The following SAV1 variants were observed in gnomAD, a reference collection of about 807,000 sequenced individuals.
The protein encoded by SAV1 is salvador family WW domain containing protein 1.
A neutral mutation model predicts 47.3 loss-of-function variants in SAV1; 23 were observed. The observed-to-expected ratio is 0.49, with a 90% CI of 0.35 to 0.69. SAV1 has a LOEUF of 0.69. SAV1 is among the 30% of genes least tolerant of loss of function. The pLI is 0.01. For missense variants in SAV1, 448 were observed against 457.4 expected (o/e 0.98, Z 0.19); for synonymous variants, 155 against 159.2 (o/e 0.97, Z 0.20).
At chr14:50,661,172 C>T (rs935016094) in intron 2 of SAV1, among the ~76,000 whole-genome samples, 1 of 152,166 alleles carries the variant, frequency 6.6e-6, no homozygotes, top group Non-Finnish European at 1.5e-5. Flanking sequence ...GGGTAAGACA[C>T]CTCACTGTGG....
intron 2 of SAV1, among the ~76,000 whole-genome samples, chr14:50,646,106 T>C (rs3015498): frequency 0.47 from 71,867 of 151,940 alleles, 18,131 homozygotes; most frequent in East Asian, 0.73. Context: ...TTCCAAGACC[T>C]CCCGTAGATG....
chr14:50,650,194 T>A (rs1315732860), intron 2 of SAV1, among the ~76,000 whole-genome samples: 4 of 152,212 alleles, frequency 2.6e-5, no homozygotes, highest in Non-Finnish European at 5.9e-5. Context: ...AAATACAACA[T>A]ACAATGCATA....
rs989813949 is a variant in SAV1 at position 50,667,206 on chromosome 14, TA to T, written c.94+667del. ...GGATTGGGAGTGGGATCTACCCTAT[TA>T]AAAAAAAAAACTTTTCGAGGGGGGG... On this transcript the variant is annotated intron_variant, in intron 1 of 4. Transcript: ENST00000324679. 7.0e-3 allele frequency among the ~76,000 whole-genome samples: 965 copies of T among 137,100 alleles called. 17 individuals are homozygous for T. Among genetic ancestry groups the T allele is most frequent in the African/African-American group, 0.025 (909 of 36,250 alleles). 89.9% of individuals were successfully genotyped at this position (137,100 alleles called of 152,430 possible).
chr14:50,644,903 T>C lies in SAV1; in HGVS notation c.647A>G (p.Tyr216Cys). ...TGTATTTGTGTTATGATCTATATAA[T>C]ATTTTCTCCCTCTCATTGTCCAGTC... ...SVDWTMRGRK[Y>C]YIDHNTNTTH... The change falls in exon 3 of 5, where the codon TAT becomes TGT. Residue 216 changes from tyrosine to cysteine, a missense_variant. By Grantham distance (194) the Tyr-to-Cys change is radical. Coordinates refer to ENST00000324679, the MANE Select transcript of SAV1 (RefSeq NM_021818.4). 2.5e-6 allele frequency: 4 copies of C among 1,614,094 alleles called. No homozygotes were observed. The highest frequency in any genetic ancestry group is 3.4e-6 in the Non-Finnish European group (4 of 1,180,000).
chr14:50,656,041 G>A (rs927651547), intron 2 of SAV1, among the ~76,000 whole-genome samples: 11 of 152,108 alleles, frequency 7.2e-5, no homozygotes, highest in Non-Finnish European at 1.5e-5. Context: ...GTGAAACTCC[G>A]TCTCAAAAAC....
At position 50,668,021 on chromosome 14, in the gene SAV1, C is replaced by A. The variant is rs527540043; in HGVS notation, c.-54G>T. The A allele has an allele frequency of 7.9e-5, 109 of 1,372,050 alleles. No individual in the cohort carries two copies. The South Asian group carries it at 1.7e-3, about 21-fold the overall frequency. The allele number at this position is 1,372,050 out of a possible 1,614,324, so 85.0% of individuals were successfully genotyped here. A position where few individuals can be genotyped will look rare whatever the true frequency, so the allele number is the denominator to read the frequency against. ...GAACTGCCTCCCTAGGGCTCCGCGC[C>A]GGGCGCCGGCCGTCTCCGCCGCCAC... On this transcript the variant is annotated 5_prime_UTR_variant, in exon 1 of 5. Coordinates refer to ENST00000324679, the MANE Select transcript of SAV1 (RefSeq NM_021818.4).
chr14:50,652,540 A>G (rs1014169269), intron 2 of SAV1, among the ~76,000 whole-genome samples: 1 of 152,236 alleles, frequency 6.6e-6, no homozygotes, highest in Non-Finnish European at 1.5e-5. Flanking sequence ...GCAAAGAGAA[A>G]TAAAAAGGAA....
intron 2 of SAV1, among the ~76,000 whole-genome samples, chr14:50,647,587 G>C (rs2039733186): frequency 6.7e-6 from 1 of 148,882 alleles, no homozygotes; most frequent in South Asian, 2.4e-4. Context: ...AACAGAAGAA[G>C]AAAACAAAAC....
chr14:50,641,626 T>C (rs2039681585), intron 3 of SAV1, among the ~76,000 whole-genome samples: 1 of 152,226 alleles, frequency 6.6e-6, no homozygotes, highest in Non-Finnish European at 1.5e-5. Context: ...TCACTGCTTA[T>C]TAGAGAAATG....
intron 2 of SAV1, chr14:50,662,446 C>A (rs184897280): frequency 2.0e-5 from 3 of 152,196 alleles, no homozygotes; most frequent in African/African-American, 7.2e-5. Flanking sequence ...GGATTACAGG[C>A]GTGAGCCACC....
chr14:50,635,934 C>A (rs1364819841), intron 4 of SAV1, among the ~76,000 whole-genome samples: 5 of 152,264 alleles, frequency 3.3e-5, no homozygotes, highest in Admixed American at 3.3e-4. Flanking sequence ...TTCTCAATCT[C>A]CTGACCTCGT....
chr14:50,639,489 G>GT (rs535222660), intron 4 of SAV1, among the ~76,000 whole-genome samples: 63 of 152,262 alleles, frequency 4.1e-4, no homozygotes, highest in Admixed American at 1.7e-3. Context: ...CAGACCTCTT[G>GT]TTTAAGTTTT....
At chr14:50,654,995 CAT>C (rs1251855578) in intron 2 of SAV1, among the ~76,000 whole-genome samples, 6 of 70,380 alleles carry the variant, frequency 8.5e-5, no homozygotes, top group African/African-American at 3.3e-4. Flanking sequence ...AGAAAGCTAA[CAT>C]ATAATTTTTT....
At chr14:50,636,133 A>T (rs2039632896) in intron 4 of SAV1, among the ~76,000 whole-genome samples, 1 of 152,228 alleles carries the variant, frequency 6.6e-6, no homozygotes, top group South Asian at 2.1e-4. Context: ...CCTTGAACAC[A>T]GATTTCAAAC....
intron 1 of SAV1, chr14:50,667,402 C>T: frequency 8.8e-6 from 4 of 456,022 alleles, no homozygotes; most frequent in South Asian, 1.5e-5. Flanking sequence ...CTGCATCCGG[C>T]AGCAGGACTA....
At chr14:50,660,456 A>C (rs2039849174) in intron 2 of SAV1, among the ~76,000 whole-genome samples, 1 of 152,232 alleles carries the variant, frequency 6.6e-6, no homozygotes, top group Non-Finnish European at 1.5e-5. Context: ...ACAAGAGCCC[A>C]GTCAGGTGGT....
rs770047235 is a variant in SAV1 at position 50,635,180 on chromosome 14, A to T, written c.*3T>A. The T allele has an allele frequency of 1.6e-5, 25 of 1,609,774 alleles. No individual in the cohort carries two copies. In the South Asian group the frequency reaches 2.6e-4, roughly 17 times the overall value. On this transcript the variant is annotated 3_prime_UTR_variant, in exon 5 of 5. Transcript: ENST00000324679. ...ACAAAACTTAAATTTTTAAAAAATC[A>T]GCTCAAAAATTTTTTCCATGTTGTT...
intron 2 of SAV1, chr14:50,664,427 A>T (rs1229936333): frequency 6.6e-6 from 1 of 152,204 alleles, no homozygotes; most frequent in Non-Finnish European, 1.5e-5. Context: ...AAATCAGACA[A>T]GAAAGTTTAA....
chr14:50,661,195 T>C (rs1270584538), intron 2 of SAV1, among the ~76,000 whole-genome samples: 2 of 152,234 alleles, frequency 1.3e-5, no homozygotes, highest in African/African-American at 4.8e-5. Context: ...TTCACTTACA[T>C]TTCCTTGACG....
Sources: gnomAD v4.1 joint callset for allele counts (sites outside exome capture counted in the v4.1 genomes callset) on GRCh38, gnomAD v4.1.1 for gene constraint, MANE v1.5 for transcripts, NCBI Gene and HGNC (gene_info 2026-07-23, HGNC 2026-07-21) for gene names.